The following NSUN3 variants were observed in gnomAD, a reference collection of about 807,000 sequenced individuals.
NSUN3 encodes NOP2/Sun RNA methyltransferase 3.
Under a neutral mutation model 36.8 loss-of-function variants are expected in NSUN3, and 24 were observed. The observed-to-expected ratio is 0.65, with a 90% CI of 0.47 to 0.92. The LOEUF is 0.92. Ranked by LOEUF, NSUN3 falls within the 40% of genes least tolerant of loss-of-function variation. The pLI, the probability that NSUN3 is intolerant of heterozygous loss-of-function variation, is 0.00. For missense variants in NSUN3, 381 were observed against 392.8 expected (o/e 0.97, Z 0.25); for synonymous variants, 146 against 145.2 (o/e 1.01, Z -0.04).
chr3:94,076,683 C>T (rs929805911), intron 2 of NSUN3: 17 of 1,229,100 alleles, frequency 1.4e-5, no homozygotes, highest in East Asian at 2.3e-5. Flanking sequence ...TTGCAGTCTC[C>T]AGAAAGATCT....
chr3:94,109,770 A>G (rs1260247557), intron 5 of NSUN3, among the ~76,000 whole-genome samples: 1 of 152,196 alleles, frequency 6.6e-6, no homozygotes, highest in Non-Finnish European at 1.5e-5. Flanking sequence ...ATGTTGAGCC[A>G]CTGGATGTGT....
Position 94,084,299 on chromosome 3 carries a change from C to G in NSUN3, c.315C>G (p.His105Gln). Residue 105 changes from histidine (H) to glutamine (Q), a missense_variant, in exon 3 of 6, where the codon CAC becomes CAG. Coordinates refer to ENST00000314622, the MANE Select transcript of NSUN3 (RefSeq NM_022072.5). ...CGGGCCGAATCCCTTCAGAAAGACA[C>G]CAAATTGGAAACCTGAAAAAATATT... ...RTPGRIPSER[H>Q]QIGNLKKYYL... The G allele has an allele frequency of 1.2e-6, 2 of 1,614,108 alleles. No individual in the cohort carries two copies. The highest frequency in any genetic ancestry group is 8.5e-7 in the Non-Finnish European group (1 of 1,180,008).
intron 5 of NSUN3, among the ~76,000 whole-genome samples, chr3:94,112,694 A>C (rs2077422779): frequency 6.6e-6 from 1 of 152,202 alleles, no homozygotes; most frequent in Admixed American, 6.5e-5. Flanking sequence ...ACGTAGTCAT[A>C]TGGTTATGGT....
intron 5 of NSUN3, among the ~76,000 whole-genome samples, chr3:94,115,170 G>A (rs1033623945): frequency 6.6e-6 from 1 of 152,086 alleles, no homozygotes; most frequent in Non-Finnish European, 1.5e-5. Flanking sequence ...GTTGCAGATA[G>A]CTTTATAAGG....
intron 2 of NSUN3, among the ~76,000 whole-genome samples, chr3:94,067,043 G>C (rs2077206499): frequency 6.6e-6 from 1 of 152,120 alleles, no homozygotes; most frequent in South Asian, 2.1e-4. Flanking sequence ...ATAATCTAAC[G>C]ATGTGATTTA....
intron 2 of NSUN3, among the ~76,000 whole-genome samples, chr3:94,075,436 G>A (rs1171752325): frequency 6.6e-6 from 1 of 152,116 alleles, no homozygotes; most frequent in African/African-American, 2.4e-5. Context: ...GGAAAGTCAG[G>A]TGTCAGGATT....
chr3:94,108,446 C>T (rs558944737), intron 5 of NSUN3, among the ~76,000 whole-genome samples: 192 of 151,674 alleles, frequency 1.3e-3, no homozygotes, highest in Non-Finnish European at 2.4e-3. Context: ...CTGCAACCTC[C>T]GCCTTTCAGG....
chr3:94,117,808 G>T (rs1485593480), intron 5 of NSUN3, among the ~76,000 whole-genome samples: 1 of 152,116 alleles, frequency 6.6e-6, no homozygotes, highest in Non-Finnish European at 1.5e-5. Flanking sequence ...CAGCAGTGTT[G>T]TGAGAGAGAA....
chr3:94,094,890 TGTGGTG>T (rs1185237998), intron 4 of NSUN3, 137 bp from the exon 5 acceptor site: 3 of 767,000 alleles, frequency 3.9e-6, no homozygotes, highest in African/African-American at 1.8e-5. Flanking sequence ...AAAAACCTAC[TGTGGTG>T]TATTTTCAGT....
intron 2 of NSUN3, among the ~76,000 whole-genome samples, chr3:94,073,016 A>G (rs1481871943): frequency 6.6e-6 from 1 of 152,088 alleles, no homozygotes; most frequent in Non-Finnish European, 1.5e-5. Flanking sequence ...ATGTGTTCTC[A>G]TTGTTCACCT....
intron 2 of NSUN3, among the ~76,000 whole-genome samples, chr3:94,065,129 G>T (rs1237591461): frequency 3.3e-5 from 5 of 152,182 alleles, no homozygotes; most frequent in African/African-American, 1.2e-4. Context: ...TACTGTATGG[G>T]TTCTTGACAT....
intron 5 of NSUN3, among the ~76,000 whole-genome samples, chr3:94,102,858 C>T (rs1192012849): frequency 2.0e-5 from 3 of 151,722 alleles, no homozygotes; most frequent in African/African-American, 4.8e-5. Flanking sequence ...AATTTATTTA[C>T]ATTATCTACT....
At chr3:94,123,969 A>T (rs2077474473) in intron 5 of NSUN3, among the ~76,000 whole-genome samples, 1 of 152,008 alleles carries the variant, frequency 6.6e-6, no homozygotes, top group Admixed American at 6.6e-5. Context: ...AAATGTGCAA[A>T]CCTGTACATA....
intron 5 of NSUN3, among the ~76,000 whole-genome samples, chr3:94,123,232 G>A (rs2077471604): frequency 6.6e-6 from 1 of 152,102 alleles, no homozygotes; most frequent in African/African-American, 2.4e-5. Context: ...TCACTCTGAG[G>A]CTTCACTCCT....
chr3:94,106,903 C>A (rs569374551), intron 5 of NSUN3, among the ~76,000 whole-genome samples: 1 of 151,808 alleles, frequency 6.6e-6, no homozygotes, highest in Non-Finnish European at 1.5e-5. Context: ...CAAAATGCTT[C>A]AGGGAAGAAA....
At chr3:94,063,542 A>G (rs772214529) in intron 1 of NSUN3, among the ~76,000 whole-genome samples, 5 of 152,210 alleles carry the variant, frequency 3.3e-5, no homozygotes, top group Non-Finnish European at 5.9e-5. Flanking sequence ...TTTTCACTTT[A>G]AAATAACGTT....
chr3:94,084,518 T>G, intron 3 of NSUN3, 68 bp downstream of exon 3: 1 of 1,210,830 alleles, frequency 8.3e-7, no homozygotes, highest in Non-Finnish European at 1.2e-6. Context: ...ATTCTGAAAG[T>G]ATATATGGGG....
At chr3:94,069,062 G>A (rs140934004) in intron 2 of NSUN3, among the ~76,000 whole-genome samples, 5 of 152,254 alleles carry the variant, frequency 3.3e-5, no homozygotes, top group African/African-American at 7.2e-5. Context: ...AAAAGTCCAC[G>A]CCTTTTCCTA....
In NSUN3 at chr3:94,084,353, A is replaced by C. The variant is rs949025599; in HGVS notation, c.369A>C (p.Pro123=). The part of the protein sequence containing the change: ...YYLLNAASLL[P]VLALELRDGE... The stretch of plus-strand genomic sequence containing the variant: ...TCCTAAATGCTGCTTCTCTTCTCCC[A>C]GTGTTGGCTCTGGAATTAAGGGATG... The change falls in exon 3 of 6, where the codon CCA becomes CCC. Residue 123 remains proline, a synonymous_variant. Coordinates refer to ENST00000314622, the MANE Select transcript of NSUN3 (RefSeq NM_022072.5). 5.6e-6 allele frequency: 9 copies of C among 1,614,026 alleles called. No homozygotes were observed. The Admixed American group carries it at 8.3e-5, about 15-fold the overall frequency.
Sources: gnomAD v4.1 joint callset for allele counts (sites outside exome capture counted in the v4.1 genomes callset) on GRCh38, gnomAD v4.1.1 for gene constraint, MANE v1.5 for transcripts, NCBI Gene and HGNC (gene_info 2026-07-23, HGNC 2026-07-21) for gene names.